The following DSCAM variants were observed in gnomAD, a reference collection of about 807,000 sequenced individuals.
DSCAM encodes DS cell adhesion molecule.
DSCAM carries 47 observed loss-of-function variants against 217.7 expected under a neutral mutation model. That is an observed-to-expected ratio of 0.22 (90% confidence interval 0.17 to 0.28). The LOEUF (loss-of-function observed/expected upper bound fraction) is 0.28. Among genes scored for constraint, DSCAM ranks in the 10% least tolerant of loss-of-function variants. The pLI is 1.00. For synonymous variants in DSCAM, 1,056 were observed against 1,015.3 expected (o/e 1.04, Z -0.76); for missense variants, 2,080 against 2,618.3 (o/e 0.79, Z 4.49).
chr21:40,305,410 GAAGAA>G (rs1030300463), intron 9 of DSCAM, among the ~76,000 whole-genome samples: 12 of 140,224 alleles, frequency 8.6e-5, no homozygotes, highest in African/African-American at 3.2e-4. Context: ...AAAAAAAAAG[GAAGAA>G]AAGAAAAGTG....
chr21:40,666,745 C>A lies in DSCAM; in HGVS notation c.508+26065G>T, dbSNP rs558546705. On this transcript the variant is annotated intron_variant, in intron 3 of 32. Transcript: ENST00000400454. ...TACTTCAGGTCTATGGGACCAGTTG[C>A]GGTTAGCGCTAGACAACAATGACAT... 2.4e-4 allele frequency among the ~76,000 whole-genome samples: 36 copies of A among 152,322 alleles called. 1 individual carries two copies. In the South Asian group the frequency reaches 7.1e-3, roughly 30 times the overall value.
chr21:40,594,434 C>T (rs938818098), intron 3 of DSCAM, among the ~76,000 whole-genome samples: 3 of 152,236 alleles, frequency 2.0e-5, no homozygotes, highest in East Asian at 1.9e-4. Context: ...AGGAATATGA[C>T]CTTGGGCAAG....
Position 40,597,458 on chromosome 21 carries a change from GT to G in DSCAM, c.508+95351del, listed in dbSNP as rs533148918. Among the ~76,000 whole-genome samples, 579 of 101,294 alleles carry G rather than the reference GT, an allele frequency of 5.7e-3. 2 individuals are homozygous for G. The highest frequency in any genetic ancestry group is 0.017 in the South Asian group (57 of 3,294). The allele number at this position is 101,294 out of a possible 152,430, so 66.5% of individuals were successfully genotyped here. A position where few individuals can be genotyped will look rare whatever the true frequency, so the allele number is the denominator to read the frequency against. On this transcript the variant is annotated intron_variant, in intron 3 of 32. Transcript: ENST00000400454. ...GTTCTAAATCAAAGTTTGCAAGCCG[GT>G]TTTTTTTTTTTTTTTAACCTATCTT...
intron 3 of DSCAM, among the ~76,000 whole-genome samples, chr21:40,661,472 T>C (rs1240847157): frequency 6.6e-6 from 1 of 152,228 alleles, no homozygotes; most frequent in East Asian, 1.9e-4. Flanking sequence ...CCTCACAAAA[T>C]ATCTGCTCTG....
intron 1 of DSCAM, among the ~76,000 whole-genome samples, chr21:40,835,842 T>TA (rs1448095135): frequency 6.6e-6 from 1 of 152,240 alleles, no homozygotes; most frequent in Non-Finnish European, 1.5e-5. Flanking sequence ...GTCATATATG[T>TA]AACAAGGTTT....
At chr21:40,083,155 G>A (rs969718636) in intron 24 of DSCAM, among the ~76,000 whole-genome samples, 27 of 152,212 alleles carry the variant, frequency 1.8e-4, no homozygotes, top group African/African-American at 3.1e-4. Flanking sequence ...TAGGCCGGGC[G>A]TGGTGGCTCA....
chr21:40,493,106 G>T (rs2076089266), intron 3 of DSCAM, among the ~76,000 whole-genome samples: 1 of 152,160 alleles, frequency 6.6e-6, no homozygotes, highest in Non-Finnish European at 1.5e-5. Flanking sequence ...AGAAAAAACT[G>T]CCAATTCAAC....
At chr21:40,354,491 C>T (rs1238807557) in intron 4 of DSCAM, among the ~76,000 whole-genome samples, 1 of 152,028 alleles carries the variant, frequency 6.6e-6, no homozygotes, top group Non-Finnish European at 1.5e-5. Context: ...CCTGGGCCTC[C>T]CAACATGCTG....
intron 1 of DSCAM, among the ~76,000 whole-genome samples, chr21:40,723,548 T>C (rs902031753): frequency 6.6e-6 from 1 of 152,228 alleles, no homozygotes; most frequent in Non-Finnish European, 1.5e-5. Context: ...TCATAGGAGA[T>C]GATGCAATCT....
chr21:40,573,836 G>A (rs925702114), intron 3 of DSCAM, among the ~76,000 whole-genome samples: 9 of 151,908 alleles, frequency 5.9e-5, no homozygotes, highest in Non-Finnish European at 1.2e-4. Context: ...TAAAAATAAG[G>A]GAATATCATA....
chr21:40,438,733 A>C (rs561286166), intron 3 of DSCAM, among the ~76,000 whole-genome samples: 1 of 152,286 alleles, frequency 6.6e-6, no homozygotes, highest in East Asian at 1.9e-4. Flanking sequence ...CTCCAAAATG[A>C]GGGTGTCTTC....
chr21:40,629,492 CAA>C (rs1227311634), intron 3 of DSCAM: 5 of 152,122 alleles, frequency 3.3e-5, no homozygotes, highest in Non-Finnish European at 5.9e-5. Flanking sequence ...GCCAATGAAA[CAA>C]GAGGAGAAGT....
At chr21:40,765,879 C>T (rs1159721360) in intron 1 of DSCAM, among the ~76,000 whole-genome samples, 1 of 152,202 alleles carries the variant, frequency 6.6e-6, no homozygotes, top group East Asian at 1.9e-4. Context: ...GAATTCTCAT[C>T]TCACATGTGG....
At chr21:40,055,411 T>C (rs796988404) in intron 29 of DSCAM, among the ~76,000 whole-genome samples, 12 of 152,286 alleles carry the variant, frequency 7.9e-5, no homozygotes, top group African/African-American at 2.9e-4. Context: ...ATTACAGATG[T>C]TTATTCCTTG....
At chr21:40,116,836 A>G (rs966625806) in intron 20 of DSCAM, among the ~76,000 whole-genome samples, 11 of 151,592 alleles carry the variant, frequency 7.3e-5, no homozygotes, top group Admixed American at 5.9e-4. Flanking sequence ...CCTCATCTCT[A>G]CTAAAAATAC....
intron 1 of DSCAM, among the ~76,000 whole-genome samples, chr21:40,762,120 C>A (rs1412289212): frequency 1.3e-5 from 2 of 152,036 alleles, no homozygotes; most frequent in Non-Finnish European, 2.9e-5. Context: ...CAGAGCAGAA[C>A]TGAAGGAGTT....
At chr21:40,381,021 C>CAA (rs1206225658) in intron 3 of DSCAM, among the ~76,000 whole-genome samples, 5 of 135,042 alleles carry the variant, frequency 3.7e-5, no homozygotes, top group African/African-American at 1.4e-4. Context: ...CGAGATCGTG[C>CAA]CACTGCACTC....
chr21:40,099,446 G>A (rs1352301203), intron 20 of DSCAM, among the ~76,000 whole-genome samples: 2 of 152,100 alleles, frequency 1.3e-5, no homozygotes, highest in Non-Finnish European at 2.9e-5. Context: ...TGGTTATTTG[G>A]GTAAGTTAGT....
intron 3 of DSCAM, among the ~76,000 whole-genome samples, chr21:40,670,198 T>C (rs573892055): frequency 6.6e-6 from 1 of 152,346 alleles, no homozygotes; most frequent in South Asian, 2.1e-4. Context: ...TAAAACTTAC[T>C]ATCTTACCCA....
Sources: allele counts gnomAD v4.1 joint callset (sites outside exome capture counted in the v4.1 genomes callset), GRCh38; gene constraint gnomAD v4.1.1; transcripts MANE v1.5; gene names NCBI Gene and HGNC (gene_info 2026-07-23, HGNC 2026-07-21).